RGS7: variants seen among roughly 807,000 people sequenced by gnomAD.
RGS7 encodes the protein regulator of G-protein signaling 7.
A neutral mutation model predicts 81.1 loss-of-function variants in RGS7; 27 were observed. That is an observed-to-expected ratio of 0.33 (90% confidence interval 0.25 to 0.46). RGS7 has a LOEUF of 0.46. Ranked by LOEUF, RGS7 falls within the 20% of genes least tolerant of loss-of-function variation. RGS7 has a pLI of 1.00. For missense variants in RGS7, 396 were observed against 607.4 expected (o/e 0.65, Z 3.66); for synonymous variants, 208 against 207.7 (o/e 1.00, Z -0.01).
Position 240,803,009 on chromosome 1 carries a change from G to C in RGS7, c.1270-16C>G. Reference sequence around the variant, plus strand: ...AAATGTGCTCCTAAAAAGAAATAATGGTTGAGGTGCTTCTTTATGATTTCT... The same window carrying C: ...AAATGTGCTCCTAAAAAGAAATAATCGTTGAGGTGCTTCTTTATGATTTCT... On this transcript the variant is annotated splice_polypyrimidine_tract_variant and intron_variant, in intron 15 of 18. Transcript: ENST00000440928. 1 of 1,515,082 alleles carries C rather than the reference G, an allele frequency of 6.6e-7. No individual in the cohort carries two copies. Among genetic ancestry groups the C allele is most frequent in the Non-Finnish European group, 9.2e-7 (1 of 1,090,076 alleles). 93.9% of individuals were successfully genotyped at this position (1,515,082 alleles called of 1,614,324 possible).
chr1:241,275,808 C>G (rs1004077573), intron 2 of RGS7, among the ~76,000 whole-genome samples: 17 of 152,208 alleles, frequency 1.1e-4, no homozygotes, highest in Non-Finnish European at 2.2e-4. Context: ...CTCTAACCAT[C>G]ACTTGCGTGA....
chr1:240,838,076 C>T (rs1261687455), intron 9 of RGS7, among the ~76,000 whole-genome samples: 2 of 152,160 alleles, frequency 1.3e-5, no homozygotes, highest in South Asian at 4.1e-4. Flanking sequence ...CTTCAGACTT[C>T]TATAACAAAA....
chr1:240,841,753 C>T (rs1235488360), intron 9 of RGS7, among the ~76,000 whole-genome samples: 1 of 152,198 alleles, frequency 6.6e-6, no homozygotes, highest in Non-Finnish European at 1.5e-5. Flanking sequence ...ACTTCTACGA[C>T]AAGAGTCATT....
At chr1:241,354,247 C>T (rs1223625826) in intron 2 of RGS7, among the ~76,000 whole-genome samples, 1 of 152,134 alleles carries the variant, frequency 6.6e-6, no homozygotes, top group East Asian at 1.9e-4. Context: ...CAAAATATTT[C>T]TTCTCAAAAC....
chr1:240,908,583 C>A lies in RGS7; in HGVS notation c.385+22134G>T, dbSNP rs184896521. Among the ~76,000 whole-genome samples the A allele has an allele frequency of 2.6e-5, 4 of 152,238 alleles. No individual in the cohort carries two copies. In the East Asian group the frequency reaches 7.7e-4, roughly 29 times the overall value. ...TGACACTGTCAAAACCCTCTACCTCCCTTCCACTCCCTCCCTGCCAGGTAA... is the reference window on the plus strand; with the variant it reads ...TGACACTGTCAAAACCCTCTACCTCACTTCCACTCCCTCCCTGCCAGGTAA... On this transcript the variant is annotated intron_variant, in intron 6 of 18. Coordinates refer to ENST00000440928, the MANE Select transcript of RGS7 (RefSeq NM_001364886.1).
intron 6 of RGS7, among the ~76,000 whole-genome samples, chr1:240,886,368 G>A (rs971086240): frequency 1.3e-5 from 2 of 152,186 alleles, no homozygotes; most frequent in African/African-American, 4.8e-5. Flanking sequence ...ATTCAAATCT[G>A]TGCTCATTGA....
chr1:241,203,333 A>C lies in RGS7; in HGVS notation c.79-104571T>G, dbSNP rs557809538. Among the ~76,000 whole-genome samples, 23 of 152,178 alleles carry C rather than the reference A, an allele frequency of 1.5e-4. No individual in the cohort carries two copies. In the South Asian group the frequency reaches 4.2e-3, roughly 28 times the overall value. On this transcript the variant is annotated intron_variant, in intron 2 of 18. Transcript: ENST00000440928. ...CTGCAACTTCCACCTCCCAGGTTCA[A>C]GCGATTCTCCTGTCTCAGCCTCCCA... is the stretch of plus-strand genomic sequence containing the variant.
At chr1:241,110,921 G>C (rs999365287) in intron 2 of RGS7, among the ~76,000 whole-genome samples, 4 of 152,038 alleles carry the variant, frequency 2.6e-5, no homozygotes, top group African/African-American at 9.7e-5. Flanking sequence ...CTGACCTCAA[G>C]TGATCCACCC....
In RGS7 at chr1:241,339,447, G is replaced by A. The variant is rs150935156; in HGVS notation, c.78+16252C>T. ...GTTTAAAGGACTAGATTTATTCCTA[G>A]AGAGCAAATAGATTGTTCTTAAAAG... On this transcript the variant is annotated intron_variant, in intron 2 of 18. Transcript: ENST00000440928. 2.6e-5 allele frequency among the ~76,000 whole-genome samples: 4 copies of A among 152,328 alleles called. No homozygotes were observed. In the East Asian group the frequency reaches 7.7e-4, roughly 29 times the overall value.
chr1:241,114,183 A>G (rs1260009621), intron 2 of RGS7, among the ~76,000 whole-genome samples: 2 of 152,166 alleles, frequency 1.3e-5, no homozygotes, highest in Non-Finnish European at 2.9e-5. Flanking sequence ...GACTCAGGCA[A>G]TGACAACCAG....
At chr1:240,836,995 A>G (rs1387571280) in intron 9 of RGS7, among the ~76,000 whole-genome samples, 1 of 152,200 alleles carries the variant, frequency 6.6e-6, no homozygotes, top group Non-Finnish European at 1.5e-5. Context: ...CCCTTTTTAT[A>G]GACTAGGAAT....
intron 3 of RGS7, among the ~76,000 whole-genome samples, chr1:241,026,611 G>A (rs1026699944): frequency 6.6e-6 from 1 of 151,924 alleles, no homozygotes; most frequent in Non-Finnish European, 1.5e-5. Flanking sequence ...ATTATTGAGT[G>A]CTGTTTATCT....
intron 2 of RGS7, among the ~76,000 whole-genome samples, chr1:241,308,494 A>C (rs2080306478): frequency 6.6e-6 from 1 of 152,238 alleles, no homozygotes; most frequent in Non-Finnish European, 1.5e-5. Context: ...AGAGAACCAG[A>C]GCAAACAGTC....
chr1:240,864,739 T>C (rs1171716076), intron 9 of RGS7, among the ~76,000 whole-genome samples: 1 of 152,192 alleles, frequency 6.6e-6, no homozygotes, highest in East Asian at 1.9e-4. Context: ...GGTCAGACTA[T>C]TTCATGCAAG....
chr1:240,811,490 T>C (rs1572199198), intron 14 of RGS7, among the ~76,000 whole-genome samples: 2 of 152,240 alleles, frequency 1.3e-5, no homozygotes, highest in East Asian at 3.9e-4. Context: ...TTTCAAGTTA[T>C]TTGATATAGC....
At chr1:241,082,107 A>G (rs2063168120) in intron 3 of RGS7, among the ~76,000 whole-genome samples, 1 of 152,226 alleles carries the variant, frequency 6.6e-6, no homozygotes, top group South Asian at 2.1e-4. Context: ...GGGTCCAGCT[A>G]AGTTTGGGAA....
At chr1:241,300,969 G>A (rs2079718776) in intron 2 of RGS7, among the ~76,000 whole-genome samples, 1 of 152,170 alleles carries the variant, frequency 6.6e-6, no homozygotes, top group Admixed American at 6.5e-5. Context: ...GGTGTTAATG[G>A]TATTTCATTG....
At chr1:240,921,602 G>A (rs551143053) in intron 6 of RGS7, among the ~76,000 whole-genome samples, 13 of 152,008 alleles carry the variant, frequency 8.6e-5, no homozygotes, top group East Asian at 3.9e-4. Context: ...AAAAGTCAGC[G>A]GTTTTCCTAT....
intron 3 of RGS7, among the ~76,000 whole-genome samples, chr1:241,002,430 G>A (rs1372430395): frequency 6.9e-6 from 1 of 144,826 alleles, no homozygotes; most frequent in Non-Finnish European, 1.5e-5. Context: ...TCCAGCCTGG[G>A]CAGCAAGAGT....
Sources: gnomAD v4.1 joint callset for allele counts (sites outside exome capture counted in the v4.1 genomes callset) on GRCh38, gnomAD v4.1.1 for gene constraint, MANE v1.5 for transcripts, NCBI Gene and HGNC (gene_info 2026-07-23, HGNC 2026-07-21) for gene names.